Variants in EGFR observed in about 807,000 individuals in gnomAD.
The protein encoded by EGFR is avian erythroblastic leukemia viral (v-erb-b) oncogene homolog.
EGFR carries 58 observed loss-of-function variants against 143.0 expected under a neutral mutation model. That is an observed-to-expected ratio of 0.41 (90% CI 0.33 to 0.50). The LOEUF (loss-of-function observed/expected upper bound fraction) is 0.50. Ranked by LOEUF, EGFR falls within the 20% of genes least tolerant of loss-of-function variation. The pLI, the probability that EGFR is intolerant of heterozygous loss-of-function variation, is 0.39. For synonymous variants in EGFR, 613 were observed against 594.4 expected, an observed-to-expected ratio of 1.03 and a Z score of -0.45; for missense variants, 1,307 against 1,579.0, an observed-to-expected ratio of 0.83 and a Z score of 2.92.
intron 1 of EGFR, among the ~76,000 whole-genome samples, chr7:55,039,071 T>C (rs1283657522): frequency 6.6e-6 from 1 of 152,166 alleles, no homozygotes; most frequent in Non-Finnish European, 1.5e-5. Flanking sequence ...CCACAGTTAA[T>C]GCTACTCAAT....
In EGFR at chr7:55,205,751, AC is replaced by A; in HGVS notation, c.*136del. The A allele has an allele frequency of 7.1e-7, 1 of 1,409,140 alleles. No individual in the cohort carries two copies. Among genetic ancestry groups the A allele is most frequent in the South Asian group, 1.2e-5 (1 of 83,594 alleles). 87.3% of individuals were successfully genotyped at this position (1,409,140 alleles called of 1,614,324 possible). A position where few individuals can be genotyped will look rare whatever the true frequency, so the allele number is the denominator to read the frequency against. Reference sequence around the variant, plus strand: ...CACAGACTGGTTTTGCAACGTTTACACCGACTAGCCAGGAAGTACTTCCACC... The same window carrying A: ...CACAGACTGGTTTTGCAACGTTTACACGACTAGCCAGGAAGTACTTCCACC... On this transcript the variant is annotated 3_prime_UTR_variant, in exon 28 of 28. Coordinates refer to ENST00000275493, the MANE Select transcript of EGFR (RefSeq NM_005228.5).
chr7:55,036,416 G>A (rs914710928), intron 1 of EGFR, among the ~76,000 whole-genome samples: 4 of 152,014 alleles, frequency 2.6e-5, no homozygotes, highest in African/African-American at 9.7e-5. Context: ...CATGTTGCCC[G>A]TTTCAGGTGT....
rs544317894 is a variant in EGFR, at chr7:55,210,091, G to T, written c.*4474G>T. The T allele has an allele frequency of 6.6e-6, 1 of 152,158 alleles. No individual in the cohort carries two copies. Among genetic ancestry groups the T allele is most frequent in the Non-Finnish European group, 1.5e-5 (1 of 68,040 alleles). The allele number at this position is 152,158 out of a possible 1,614,324, so 9.4% of individuals were successfully genotyped here. ...AGGTTCTGTTGGGGCAGTGTTAATG[G>T]AAAGGGCTCACTGTTGTTACTACTA... On this transcript the variant is annotated 3_prime_UTR_variant, in exon 28 of 28. Transcript: ENST00000275493.
intron 1 of EGFR, among the ~76,000 whole-genome samples, chr7:55,118,508 G>A (rs1039612549): frequency 1.1e-4 from 17 of 152,268 alleles, no homozygotes; most frequent in African/African-American, 2.6e-4. Context: ...CCCACTCCCC[G>A]GCTGTGTGGA....
intron 1 of EGFR, among the ~76,000 whole-genome samples, chr7:55,047,401 G>GT: frequency 6.6e-6 from 1 of 152,348 alleles, no homozygotes; most frequent in East Asian, 1.9e-4. Flanking sequence ...CAATCAAAAT[G>GT]TTTTTAAGTG....
intron 11 of EGFR, among the ~76,000 whole-genome samples, chr7:55,159,484 T>C (rs1012061670): frequency 6.6e-6 from 1 of 152,208 alleles, no homozygotes; most frequent in African/African-American, 2.4e-5. Context: ...ATGCCACAGT[T>C]ACTGCTTTCA....
In EGFR at chr7:55,149,398, C is replaced by T. The variant is rs75307719; in HGVS notation, c.560-1896C>T. Among the ~76,000 whole-genome samples the T allele has an allele frequency of 5.1e-3, 782 of 152,238 alleles. 5 individuals are homozygous for T. Among genetic ancestry groups the T allele is most frequent in the Non-Finnish European group, 8.8e-3 (599 of 68,020 alleles). On this transcript the variant is annotated intron_variant, in intron 4 of 27. Coordinates refer to ENST00000275493, the MANE Select transcript of EGFR (RefSeq NM_005228.5). Reference sequence around the variant, plus strand: ...ACACACGCACACATACACACACACACACAAATATGGCCAAGAAATAAAGTA... The same window carrying T: ...ACACACGCACACATACACACACACATACAAATATGGCCAAGAAATAAAGTA...
At chr7:55,077,161 T>G (rs932661882) in intron 1 of EGFR, among the ~76,000 whole-genome samples, 3 of 152,162 alleles carry the variant, frequency 2.0e-5, no homozygotes, top group Non-Finnish European at 4.4e-5. Flanking sequence ...AAAGATGGTA[T>G]TTCGGTCAGA....
intron 27 of EGFR, among the ~76,000 whole-genome samples, chr7:55,204,780 C>T (rs991871215): frequency 6.8e-6 from 1 of 147,446 alleles, no homozygotes; most frequent in East Asian, 2.1e-4. Context: ...ATACACACCA[C>T]ACACACCATA....
intron 1 of EGFR, among the ~76,000 whole-genome samples, chr7:55,111,788 C>G (rs913953969): frequency 6.6e-6 from 1 of 152,176 alleles, no homozygotes; most frequent in Non-Finnish European, 1.5e-5. Context: ...CGTGTAAATA[C>G]CACATTTAGG....
intron 3 of EGFR, among the ~76,000 whole-genome samples, chr7:55,144,458 C>A (rs1238477809): frequency 6.6e-6 from 1 of 152,198 alleles, no homozygotes; most frequent in Non-Finnish European, 1.5e-5. Context: ...CTGTGCCATG[C>A]AGTTCTGACA....
At chr7:55,188,817 C>T (rs532003682) in intron 20 of EGFR, 1 of 152,316 alleles carries the variant, frequency 6.6e-6, no homozygotes, top group South Asian at 2.1e-4. Context: ...CTCTCCTTGT[C>T]CCAAAGCTGT....
intron 27 of EGFR, 138 bp downstream of exon 27, chr7:55,202,763 T>C (rs1787908827): frequency 2.5e-6 from 2 of 789,708 alleles, no homozygotes; most frequent in Non-Finnish European, 4.4e-6. Context: ...GCAGACACAG[T>C]GAAGGGCGTA....
intron 1 of EGFR, among the ~76,000 whole-genome samples, chr7:55,141,778 G>T (rs1463139124): frequency 6.6e-6 from 1 of 152,126 alleles, no homozygotes; most frequent in Non-Finnish European, 1.5e-5. Context: ...ACAACAATGT[G>T]ACTCACAATA....
chr7:55,087,700 G>A (rs1790849981), intron 1 of EGFR, among the ~76,000 whole-genome samples: 1 of 152,212 alleles, frequency 6.6e-6, no homozygotes, highest in Admixed American at 6.5e-5. Context: ...ATTAGAGCAT[G>A]AACACCCAGG....
intron 15 of EGFR, chr7:55,170,692 C>T (rs1248137069): frequency 1.3e-6 from 2 of 1,573,920 alleles, no homozygotes; most frequent in African/African-American, 2.7e-5. Context: ...AGCTAACCAT[C>T]ACCCCCAGGA....
At chr7:55,170,305 A>G in intron 15 of EGFR, 1 of 1,614,194 alleles carries the variant, frequency 6.2e-7, no homozygotes, top group Non-Finnish European at 8.5e-7. Context: ...ATCTTTCTCC[A>G]GGCCAGGAAA....
In EGFR at chr7:55,154,046, G is replaced by A. The variant is rs1584172465; in HGVS notation, c.783G>A (p.Lys261=). The change falls in exon 7 of 28, where the codon AAG becomes AAA. Residue 261 remains lysine, a synonymous_variant. Coordinates refer to ENST00000275493, the MANE Select transcript of EGFR (RefSeq NM_005228.5). ...CRKFRDEATC[K]DTCPPLMLYN... ...AATTCCGAGACGAAGCCACGTGCAA[G>A]GACACCTGCCCCCCACTCATGCTCT... The A allele has an allele frequency of 6.2e-7, 1 of 1,614,166 alleles. No homozygotes were observed. The highest frequency in any genetic ancestry group is 8.5e-7 in the Non-Finnish European group (1 of 1,180,040).
chr7:55,076,887 T>C (rs1180124110), intron 1 of EGFR, among the ~76,000 whole-genome samples: 1 of 151,982 alleles, frequency 6.6e-6, no homozygotes, highest in Non-Finnish European at 1.5e-5. Flanking sequence ...TATCAATAAA[T>C]ATATGACAAA....
Sources: gnomAD v4.1 joint callset for allele counts (sites outside exome capture counted in the v4.1 genomes callset) on GRCh38, gnomAD v4.1.1 for gene constraint, MANE v1.5 for transcripts, NCBI Gene and HGNC (gene_info 2026-07-23, HGNC 2026-07-21) for gene names.